Variants in LDLRAD4 observed in about 807,000 individuals in gnomAD.
The protein encoded by LDLRAD4 is low-density lipoprotein receptor class A domain-containing protein 4.
LDLRAD4 carries 5 observed loss-of-function variants against 17.0 expected under a neutral mutation model. The observed-to-expected ratio is 0.29, with a 90% CI of 0.15 to 0.62. The LOEUF (loss-of-function observed/expected upper bound fraction) is 0.62. LDLRAD4 is among the 20% of genes least tolerant of loss of function. The pLI is 0.84. For missense variants in LDLRAD4, 340 were observed against 424.7 expected, an observed-to-expected ratio of 0.80 and a Z score of 1.75; for synonymous variants, 168 against 171.8, an observed-to-expected ratio of 0.98 and a Z score of 0.17.
intron 3 of LDLRAD4, among the ~76,000 whole-genome samples, chr18:13,456,805 G>A (rs894855844): frequency 6.6e-6 from 1 of 152,222 alleles, no homozygotes; most frequent in Non-Finnish European, 1.5e-5. Context: ...CCCAGCTTCA[G>A]GCTCAGTAAA....
intron 2 of LDLRAD4, among the ~76,000 whole-genome samples, chr18:13,402,759 C>G (rs895968430): frequency 6.6e-6 from 1 of 152,056 alleles, no homozygotes; most frequent in African/African-American, 2.4e-5. Context: ...TTGCGAAAAC[C>G]AAAGAAAGTT....
chr18:13,590,028 GGTGTGCATGTGTGTGA>G (rs949550752), intron 3 of LDLRAD4, among the ~76,000 whole-genome samples: 5 of 143,950 alleles, frequency 3.5e-5, no homozygotes, highest in African/African-American at 5.7e-5. Flanking sequence ...CATGTGTATG[GGTGTGCATGTGTGTGA>G]GTGTGCATGT....
chr18:13,503,270 T>C (rs1259513854), intron 3 of LDLRAD4, among the ~76,000 whole-genome samples: 1 of 152,198 alleles, frequency 6.6e-6, no homozygotes. Context: ...CATTGAAAAG[T>C]GCAGCACTTT....
chr18:13,624,304 G>A (rs1020119584), intron 4 of LDLRAD4, among the ~76,000 whole-genome samples: 1 of 152,222 alleles, frequency 6.6e-6, no homozygotes, highest in Non-Finnish European at 1.5e-5. Flanking sequence ...GCTCTTCCCA[G>A]CAGTACGAGT....
intron 2 of LDLRAD4, among the ~76,000 whole-genome samples, chr18:13,397,076 C>T (rs1599918675): frequency 6.6e-6 from 1 of 152,192 alleles, no homozygotes; most frequent in Non-Finnish European, 1.5e-5. Flanking sequence ...TTGCTGGGTC[C>T]GCCAACCCTG....
chr18:13,373,268 T>C (rs1256154299), intron 1 of LDLRAD4, among the ~76,000 whole-genome samples: 1 of 152,120 alleles, frequency 6.6e-6, no homozygotes, highest in East Asian at 1.9e-4. Flanking sequence ...TTTGAGAACC[T>C]AAAAAGCAAC....
chr18:13,343,477 T>C (rs2082497821), intron 1 of LDLRAD4, among the ~76,000 whole-genome samples: 1 of 152,092 alleles, frequency 6.6e-6, no homozygotes, highest in African/African-American at 2.4e-5. Flanking sequence ...TAATCCAGTC[T>C]ATTGTTGTTG....
intron 1 of LDLRAD4, among the ~76,000 whole-genome samples, chr18:13,364,970 C>T (rs192696302): frequency 6.6e-6 from 1 of 152,222 alleles, no homozygotes; most frequent in African/African-American, 2.4e-5. Flanking sequence ...GTTAGGGAGA[C>T]AAGACACACC....
intron 4 of LDLRAD4, among the ~76,000 whole-genome samples, chr18:13,629,789 GAGA>G (rs1205613333): frequency 2.0e-5 from 3 of 151,110 alleles, no homozygotes; most frequent in East Asian, 3.9e-4. Flanking sequence ...AAAAAAAAAA[GAGA>G]AGAAGATTAA....
chr18:13,382,016 C>T (rs1166177320), intron 1 of LDLRAD4, among the ~76,000 whole-genome samples: 6 of 152,226 alleles, frequency 3.9e-5, no homozygotes, highest in African/African-American at 1.2e-4. Flanking sequence ...GGCCGGGGCT[C>T]GGCCCTGAGC....
chr18:13,417,440 T>TC (rs1432217334), intron 2 of LDLRAD4, among the ~76,000 whole-genome samples: 1 of 151,346 alleles, frequency 6.6e-6, no homozygotes, highest in Non-Finnish European at 1.5e-5. Context: ...TTTTTCTTTT[T>TC]TTTTTTTTTT....
chr18:13,571,810 G>A (rs530504381), intron 3 of LDLRAD4, among the ~76,000 whole-genome samples: 1 of 152,190 alleles, frequency 6.6e-6, no homozygotes, highest in South Asian at 2.1e-4. Context: ...CTAATTTTTT[G>A]TGTTTTTAGT....
intron 1 of LDLRAD4, among the ~76,000 whole-genome samples, chr18:13,358,213 T>G (rs1484438363): frequency 6.6e-6 from 1 of 152,124 alleles, no homozygotes; most frequent in Non-Finnish European, 1.5e-5. Flanking sequence ...GACACGAGGT[T>G]ATTGTTTTTA....
intron 1 of LDLRAD4, chr18:13,366,053 T>A (rs902006381): frequency 1.3e-5 from 2 of 151,902 alleles, no homozygotes; most frequent in African/African-American, 4.8e-5. Flanking sequence ...GATTACAGCG[T>A]GAGCCAGCAC....
chr18:13,579,221 T>C (rs1355904793), intron 3 of LDLRAD4, among the ~76,000 whole-genome samples: 1 of 152,174 alleles, frequency 6.6e-6, no homozygotes, highest in Non-Finnish European at 1.5e-5. Context: ...TATAATGCTA[T>C]TTGTTTAAAA....
intron 1 of LDLRAD4, among the ~76,000 whole-genome samples, chr18:13,268,400 T>C (rs891072172): frequency 6.6e-6 from 1 of 152,230 alleles, no homozygotes; most frequent in African/African-American, 2.4e-5. Context: ...AGCATGCTAC[T>C]GAAGGCAGAG....
At chr18:13,595,426 C>T (rs2095083410) in intron 3 of LDLRAD4, among the ~76,000 whole-genome samples, 1 of 152,110 alleles carries the variant, frequency 6.6e-6, no homozygotes, top group Non-Finnish European at 1.5e-5. Context: ...TTGCCTTCAT[C>T]TCAGAGTGTT....
intron 2 of LDLRAD4, among the ~76,000 whole-genome samples, chr18:13,401,158 G>T (rs2087154271): frequency 6.6e-6 from 1 of 152,142 alleles, no homozygotes; most frequent in South Asian, 2.1e-4. Flanking sequence ...CCAGGGCAGA[G>T]GACTCGGGCT....
chr18:13,600,731 T>C (rs2095151289), intron 3 of LDLRAD4, among the ~76,000 whole-genome samples: 2 of 152,318 alleles, frequency 1.3e-5, no homozygotes, highest in African/African-American at 4.8e-5. Flanking sequence ...TTCTGTAAGG[T>C]ATATTATAGG....
Sources: allele counts gnomAD v4.1 joint callset (sites outside exome capture counted in the v4.1 genomes callset), GRCh38; gene constraint gnomAD v4.1.1; transcripts MANE v1.5; gene names NCBI Gene and HGNC (gene_info 2026-07-23, HGNC 2026-07-21).